Variants in CTDSP2 observed in about 807,000 individuals in gnomAD.
The protein encoded by CTDSP2 is carboxy-terminal domain RNA polymerase II polypeptide A small phosphatase 2.
CTDSP2 carries 9 observed loss-of-function variants against 31.6 expected under a neutral mutation model. The observed-to-expected ratio is 0.28, with a 90% CI of 0.17 to 0.50. The LOEUF is 0.50. CTDSP2 is among the 20% of genes least tolerant of loss of function. The pLI is 0.98. For synonymous variants in CTDSP2, 134 were observed against 134.5 expected (o/e 1.00, Z 0.03); for missense variants, 267 against 348.5 (o/e 0.77, Z 1.86).
intron 4 of CTDSP2, 43 bp from the exon 5 acceptor site, chr12:57,826,445 A>C: frequency 1.3e-6 from 2 of 1,593,932 alleles, no homozygotes; most frequent in African/African-American, 1.3e-5. Context: ...GGTGGCAAAG[A>C]AACATGAGGC....
At chr12:57,833,275 A>C (rs564740154) in intron 1 of CTDSP2, among the ~76,000 whole-genome samples, 1 of 152,308 alleles carries the variant, frequency 6.6e-6, no homozygotes, top group East Asian at 1.9e-4. Context: ...TCAGTCCTAG[A>C]TGGGGAGGGA....
intron 1 of CTDSP2, among the ~76,000 whole-genome samples, chr12:57,840,013 G>T (rs1339060488): frequency 1.3e-5 from 2 of 151,950 alleles, no homozygotes; most frequent in Admixed American, 6.6e-5. Context: ...AAAACTTTAG[G>T]ACTCCCCTTG....
At chr12:57,838,596 T>C (rs964105159) in intron 1 of CTDSP2, among the ~76,000 whole-genome samples, 2 of 152,222 alleles carry the variant, frequency 1.3e-5, no homozygotes, top group Non-Finnish European at 2.9e-5. Flanking sequence ...CTTCCAGGTA[T>C]GTAGGCCTGC....
At chr12:57,835,837 G>A (rs1374574590) in intron 1 of CTDSP2, among the ~76,000 whole-genome samples, 1 of 152,174 alleles carries the variant, frequency 6.6e-6, no homozygotes, top group Non-Finnish European at 1.5e-5. Context: ...AGGATCATCA[G>A]GGCTGGGGTC....
chr12:57,845,171 C>A (rs1017358690), intron 1 of CTDSP2, among the ~76,000 whole-genome samples: 3 of 152,124 alleles, frequency 2.0e-5, no homozygotes, highest in African/African-American at 7.2e-5. Context: ...GGGGAGGGAG[C>A]GCTCCGGCTT....
At chr12:57,836,661 T>TG (rs1956249620) in intron 1 of CTDSP2, among the ~76,000 whole-genome samples, 1 of 151,692 alleles carries the variant, frequency 6.6e-6, no homozygotes, top group African/African-American at 2.4e-5. Context: ...AAAGTGTACA[T>TG]GTACAAACAC....
chr12:57,824,326 A>G lies in CTDSP2; in HGVS notation c.412-7T>C. The G allele has an allele frequency of 1.2e-6, 2 of 1,609,320 alleles. No individual in the cohort carries two copies. Among genetic ancestry groups the G allele is most frequent in the South Asian group, 2.2e-5 (2 of 90,942 alleles). On this transcript the variant is annotated splice_region_variant and splice_polypyrimidine_tract_variant and intron_variant, in intron 5 of 7. Coordinates refer to ENST00000398073, the MANE Select transcript of CTDSP2 (RefSeq NM_005730.4). Reference sequence around the variant, plus strand: ...GCCTCTTGAGCACATACACCTGAGGAAGAGCAGAGCAGCCTGTTGGAGGCA... The same window carrying G: ...GCCTCTTGAGCACATACACCTGAGGGAGAGCAGAGCAGCCTGTTGGAGGCA...
intron 1 of CTDSP2, among the ~76,000 whole-genome samples, chr12:57,838,905 T>A (rs1193047888): frequency 6.6e-6 from 1 of 152,228 alleles, no homozygotes; most frequent in East Asian, 1.9e-4. Flanking sequence ...ACTTTCATAC[T>A]CTTACCTCAG....
rs754196907 is a variant in CTDSP2 at position 57,823,559 on chromosome 12, A to G, written c.*43T>C. On this transcript the variant is annotated 3_prime_UTR_variant, in exon 8 of 8. Transcript: ENST00000398073. ...GCTGATCGTAAAGGCACAGTGTGGG[A>G]AAGTCCCCTACTGGGATGGCCGTCG... 16 of 1,608,576 alleles carry G rather than the reference A, an allele frequency of 9.9e-6. No homozygotes were observed. The highest frequency in any genetic ancestry group is 1.3e-5 in the Non-Finnish European group (15 of 1,178,404).
intron 1 of CTDSP2, among the ~76,000 whole-genome samples, chr12:57,836,046 G>C: frequency 6.6e-6 from 1 of 152,234 alleles, no homozygotes; most frequent in East Asian, 1.9e-4. Context: ...CCACTAAATG[G>C]CAACATCATG....
At chr12:57,831,649 GC>G (rs1956216535) in intron 1 of CTDSP2, among the ~76,000 whole-genome samples, 1 of 152,172 alleles carries the variant, frequency 6.6e-6, no homozygotes, top group Non-Finnish European at 1.5e-5. Context: ...CAGGAGATGG[GC>G]CCAATGATTA....
chr12:57,826,237 T>A, intron 5 of CTDSP2, 109 bp downstream of exon 5: 1 of 750,552 alleles, frequency 1.3e-6, no homozygotes, highest in South Asian at 2.1e-5. Context: ...AGAAAAGGGA[T>A]CAACTGACAG....
At chr12:57,829,332 A>C in intron 2 of CTDSP2, 116 bp downstream of exon 2, 1 of 1,228,748 alleles carries the variant, frequency 8.1e-7, no homozygotes. Context: ...GCCCCCTCTC[A>C]GCCAGAAATC....
chr12:57,839,545 C>G (rs764556603), intron 1 of CTDSP2, among the ~76,000 whole-genome samples: 3 of 152,026 alleles, frequency 2.0e-5, no homozygotes, highest in Admixed American at 6.6e-5. Flanking sequence ...AGTGAAACCG[C>G]GTCTCTACTA....
In CTDSP2 at chr12:57,822,416, A is replaced by C. The variant is rs1405992171; in HGVS notation, c.*1186T>G. ...ATGGCAAGAACACTCATTCCCCCTCAGCCCAGGAAGAGCAAGAGTTCTGAG... is the reference window on the plus strand; with the variant it reads ...ATGGCAAGAACACTCATTCCCCCTCCGCCCAGGAAGAGCAAGAGTTCTGAG... On this transcript the variant is annotated 3_prime_UTR_variant, in exon 8 of 8. Transcript: ENST00000398073. 3 of 152,448 alleles carry C rather than the reference A, an allele frequency of 2.0e-5. No individual in the cohort carries two copies. The highest frequency in any genetic ancestry group is 2.9e-5 in the Non-Finnish European group (2 of 68,224). The allele number at this position is 152,448 out of a possible 1,614,324, so 9.4% of individuals were successfully genotyped here.
intron 2 of CTDSP2, among the ~76,000 whole-genome samples, chr12:57,828,604 A>C (rs1326960657): frequency 6.6e-6 from 1 of 152,212 alleles, no homozygotes; most frequent in Non-Finnish European, 1.5e-5. Flanking sequence ...TAATGTTGCA[A>C]CTCAATACTT....
intron 1 of CTDSP2, among the ~76,000 whole-genome samples, chr12:57,835,542 TCTCC>T (rs758121826): frequency 1.3e-5 from 2 of 152,296 alleles, no homozygotes. Context: ...TACGAGCTGC[TCTCC>T]CTCCTTCATT....
intron 1 of CTDSP2, 149 bp downstream of exon 1, chr12:57,846,223 G>C: frequency 1.5e-6 from 1 of 673,294 alleles, no homozygotes; most frequent in South Asian, 2.1e-5. Context: ...GTGCCAGCCG[G>C]GATGCGGGGG....
intron 1 of CTDSP2, among the ~76,000 whole-genome samples, chr12:57,839,494 G>A (rs1362649060): frequency 6.6e-6 from 1 of 152,156 alleles, no homozygotes; most frequent in African/African-American, 2.4e-5. Flanking sequence ...CAAGGCGGGC[G>A]GATCATGAGG....
Sources: allele counts gnomAD v4.1 joint callset (sites outside exome capture counted in the v4.1 genomes callset), GRCh38; gene constraint gnomAD v4.1.1; transcripts MANE v1.5; gene names NCBI Gene and HGNC (gene_info 2026-07-23, HGNC 2026-07-21).